PPP4R3A: variants seen among roughly 807,000 people sequenced by gnomAD.
PPP4R3A encodes serine/threonine-protein phosphatase 4 regulatory subunit 3A.
A neutral mutation model predicts 91.7 loss-of-function variants in PPP4R3A; 15 were observed. That is an observed-to-expected ratio of 0.16 (90% confidence interval 0.11 to 0.25). The LOEUF is 0.25. Ranked by LOEUF, PPP4R3A falls within the 10% of genes least tolerant of loss-of-function variation. The pLI, the probability that PPP4R3A is intolerant of heterozygous loss-of-function variation, is 1.00. For synonymous variants in PPP4R3A, 377 were observed against 348.7 expected (o/e 1.08, Z -0.91); for missense variants, 623 against 998.4 (o/e 0.62, Z 5.07).
intron 7 of PPP4R3A, chr14:91,475,515 G>T: frequency 3.9e-6 from 1 of 253,536 alleles, no homozygotes; most frequent in Non-Finnish European, 7.6e-6. Flanking sequence ...TACAAGAATT[G>T]ATTGACTAAA....
chr14:91,498,486 T>C (rs1595085890), intron 1 of PPP4R3A, among the ~76,000 whole-genome samples: 2 of 152,350 alleles, frequency 1.3e-5, no homozygotes, highest in South Asian at 2.1e-4. Context: ...ATGGTAAATA[T>C]TGATAAATAC....
intron 1 of PPP4R3A, among the ~76,000 whole-genome samples, chr14:91,507,590 A>G (rs995917815): frequency 7.1e-6 from 1 of 141,772 alleles, no homozygotes; most frequent in Non-Finnish European, 1.6e-5. Context: ...ATAGTTATAT[A>G]TACATGTTAT....
At chr14:91,476,548 T>A in intron 5 of PPP4R3A, 24 bp from the exon 6 acceptor site, 1 of 1,454,140 alleles carries the variant, frequency 6.9e-7, no homozygotes, top group African/African-American at 1.4e-5. Flanking sequence ...AAAGGATAAG[T>A]GATATAAAAA....
intron 10 of PPP4R3A, chr14:91,466,190 CTT>C (rs1435868974): frequency 5.1e-6 from 5 of 980,268 alleles, no homozygotes; most frequent in Non-Finnish European, 6.1e-6. Flanking sequence ...ACAAAGCCCT[CTT>C]TACCTAAATG....
intron 1 of PPP4R3A, among the ~76,000 whole-genome samples, chr14:91,495,314 G>A (rs1022616804): frequency 6.8e-6 from 1 of 147,094 alleles, no homozygotes; most frequent in South Asian, 2.3e-4. Context: ...GTGTGTGTGT[G>A]TGTGTGTGTG....
At chr14:91,463,637 A>G (rs906952647) in intron 11 of PPP4R3A, among the ~76,000 whole-genome samples, 4 of 151,246 alleles carry the variant, frequency 2.6e-5, no homozygotes, top group Admixed American at 6.6e-5. Context: ...TGGGGTCTTG[A>G]TATGTTGCCC....
chr14:91,488,949 C>T (rs1167105331), intron 2 of PPP4R3A, among the ~76,000 whole-genome samples: 3 of 148,632 alleles, frequency 2.0e-5, no homozygotes, highest in Non-Finnish European at 4.4e-5. Flanking sequence ...GCTCTGTCGC[C>T]CAGGCTGGAG....
At chr14:91,461,801 A>C (rs931483724) in intron 13 of PPP4R3A, 194 bp from the exon 14 acceptor site, 13 of 840,844 alleles carry the variant, frequency 1.5e-5, no homozygotes, top group Admixed American at 6.2e-5. Context: ...GAAGAATTGA[A>C]ACCTTCAGAA....
At chr14:91,489,008 C>T (rs572550289) in intron 2 of PPP4R3A, among the ~76,000 whole-genome samples, 6 of 150,430 alleles carry the variant, frequency 4.0e-5, no homozygotes, top group African/African-American at 7.4e-5. Flanking sequence ...CCCAGGTTCA[C>T]GCCATTTTCC....
At chr14:91,481,550 A>T in intron 4 of PPP4R3A, 26 bp downstream of exon 4, 1 of 1,510,400 alleles carries the variant, frequency 6.6e-7, no homozygotes, top group South Asian at 1.4e-5. Context: ...CTCTTGAAAT[A>T]TGAAAAAAGG....
At chr14:91,468,667 C>CAAAAAAAAA (rs766250846) in intron 10 of PPP4R3A, among the ~76,000 whole-genome samples, 4 of 45,040 alleles carry the variant, frequency 8.9e-5, no homozygotes, top group Admixed American at 4.7e-4. Context: ...GACTCCGTCT[C>CAAAAAAAAA]AAAAAAAAAA....
At chr14:91,486,251 T>G (rs1419551710) in intron 2 of PPP4R3A, among the ~76,000 whole-genome samples, 1 of 29,508 alleles carries the variant, frequency 3.4e-5, no homozygotes, top group African/African-American at 1.5e-4. Context: ...GGTTTTTTTG[T>G]TTTTTTTTTT....
chr14:91,465,516 T>A, intron 10 of PPP4R3A, 97 bp from the exon 11 acceptor site: 1 of 1,046,884 alleles, frequency 9.6e-7, no homozygotes, highest in African/African-American at 1.6e-5. Context: ...AAAAACTGTT[T>A]AACACATATC....
chr14:91,458,688 G>A lies in PPP4R3A; in HGVS notation c.*71C>T, dbSNP rs1567141992. On this transcript the variant is annotated 3_prime_UTR_variant, in exon 15 of 15. Coordinates refer to ENST00000554943, the MANE Select transcript of PPP4R3A (RefSeq NM_001366432.2). ...ACAAGAGACCACTGCGCTTTGTTGT[G>A]GATTTTGTATGGGGGAGGGGTGGAG... 1 of 1,610,764 alleles carries A rather than the reference G, an allele frequency of 6.2e-7. No homozygotes were observed. The highest frequency in any genetic ancestry group is 1.3e-5 in the African/African-American group (1 of 74,870).
intron 1 of PPP4R3A, among the ~76,000 whole-genome samples, chr14:91,498,589 G>T (rs966601006): frequency 4.0e-4 from 61 of 152,216 alleles, no homozygotes; most frequent in African/African-American, 1.5e-3. Context: ...CAGGTACTTG[G>T]GAGTCTGCTA....
At chr14:91,475,309 T>C (rs73325894) in intron 7 of PPP4R3A, 4,382 of 157,110 alleles carry the variant, frequency 0.028, 210 homozygotes, top group African/African-American at 0.099. Context: ...TCTACTACTT[T>C]AAAATCTGGT....
At chr14:91,481,345 C>A (rs1266008485) in intron 4 of PPP4R3A, among the ~76,000 whole-genome samples, 1 of 152,112 alleles carries the variant, frequency 6.6e-6, no homozygotes, top group Admixed American at 6.5e-5. Flanking sequence ...TCCAAAAAAT[C>A]ATCCCCTCAT....
chr14:91,477,071 A>C (rs1221423377), intron 4 of PPP4R3A, 85 bp from the exon 5 acceptor site: 1 of 1,041,732 alleles, frequency 9.6e-7, no homozygotes, highest in Admixed American at 3.0e-5. Context: ...TATACACAGC[A>C]ATAACTATAA....
intron 1 of PPP4R3A, among the ~76,000 whole-genome samples, chr14:91,498,336 GAA>G (rs753267667): frequency 1.5e-5 from 2 of 137,578 alleles, no homozygotes; most frequent in Non-Finnish European, 3.2e-5. Flanking sequence ...CTGTCTCAAA[GAA>G]AAAAAAAAAA....
Sources: allele counts gnomAD v4.1 joint callset (sites outside exome capture counted in the v4.1 genomes callset), GRCh38; gene constraint gnomAD v4.1.1; transcripts MANE v1.5; gene names NCBI Gene and HGNC (gene_info 2026-07-23, HGNC 2026-07-21).